The following MID2 variants were observed in gnomAD, a reference collection of about 807,000 sequenced individuals.
The protein encoded by MID2 is midline 2, also known as probable E3 ubiquitin-protein ligase MID2.
Under a neutral mutation model 46.1 loss-of-function variants are expected in MID2, and 13 were observed. The ratio of observed to expected loss-of-function variants is 0.28; its 90% CI spans 0.18 to 0.45. The LOEUF (loss-of-function observed/expected upper bound fraction) is 0.45, where lower values mean the gene tolerates loss of function less well. MID2 is among the 20% of genes least tolerant of loss of function. The probability of loss-of-function intolerance (pLI) is 1.00; values close to 1 mark genes in which losing one functional copy is unlikely to be tolerated. For missense variants in MID2, 431 were observed against 575.4 expected, an observed-to-expected ratio of 0.75 and a Z score of 2.57; for synonymous variants, 199 against 212.3, an observed-to-expected ratio of 0.94 and a Z score of 0.55.
chrX:107,879,261 C>T (rs1441858791), intron 3 of MID2, among the ~76,000 whole-genome samples: 2 of 111,859 alleles, frequency 1.8e-5, no homozygotes, highest in Non-Finnish European at 3.8e-5. Flanking sequence ...GTCCAGTGTC[C>T]AGGAGGAATG....
In MID2 at chrX:107,915,763, G is replaced by A. The variant is rs1045218292; in HGVS notation, c.1074-239G>A. Among the ~76,000 whole-genome samples the A allele has an allele frequency of 7.2e-5, 8 of 111,487 alleles. No homozygotes were observed. In the Admixed American group the frequency reaches 7.6e-4, roughly 11 times the overall value. Reference sequence around the variant, plus strand: ...GTATTTACTTCTCAAAATTAAGACCGGATGGGGGAGTGTGTTTGAGGGGTG... The same window carrying A: ...GTATTTACTTCTCAAAATTAAGACCAGATGGGGGAGTGTGTTTGAGGGGTG... On this transcript the variant is annotated intron_variant, in intron 5 of 9. Transcript: ENST00000262843.
intron 4 of MID2, among the ~76,000 whole-genome samples, chrX:107,905,145 T>C (rs1431393203): frequency 2.7e-5 from 3 of 111,914 alleles, no homozygotes; most frequent in African/African-American, 6.5e-5. Context: ...GTTTCTTTTA[T>C]ACTTTTTATT....
At chrX:107,893,734 G>A (rs1932652868) in intron 3 of MID2, among the ~76,000 whole-genome samples, 1 of 112,088 alleles carries the variant, frequency 8.9e-6, no homozygotes, top group African/African-American at 3.2e-5. Flanking sequence ...TTTATAAGCT[G>A]CGTACACTGA....
chrX:107,887,801 A>C (rs1270304950), intron 3 of MID2, among the ~76,000 whole-genome samples: 4 of 104,995 alleles, frequency 3.8e-5, no homozygotes, highest in African/African-American at 7.0e-5. Flanking sequence ...TCAATTTCAG[A>C]GCCTGTTATT....
chrX:107,904,742 AGC>A (rs1361889331), intron 4 of MID2, among the ~76,000 whole-genome samples: 1 of 112,118 alleles, frequency 8.9e-6, no homozygotes, highest in Admixed American at 9.4e-5. Context: ...TCAGGTTTCT[AGC>A]CTGGGAACTG....
chrX:107,878,348 C>T (rs185566045), intron 3 of MID2, among the ~76,000 whole-genome samples: 6 of 86,123 alleles, frequency 7.0e-5, no homozygotes, highest in East Asian at 4.4e-4. Flanking sequence ...AAACTCACTG[C>T]GTGCCATGCA....
At chrX:107,888,402 C>T (rs1395917951) in intron 3 of MID2, among the ~76,000 whole-genome samples, 1 of 112,143 alleles carries the variant, frequency 8.9e-6, no homozygotes, top group African/African-American at 3.2e-5. Context: ...CATTCAGGAG[C>T]AGGTTGTTCA....
At position 107,910,838 on chromosome X, in the gene MID2, C is replaced by CTTTCCTTTCCTTTCCT. The variant is rs761216078; in HGVS notation, c.1074-5164_1074-5163insTTTCCTTTCCTTTCCT. Among the ~76,000 whole-genome samples the CTTTCCTTTCCTTTCCT allele has an allele frequency of 5.5e-4, 23 of 42,063 alleles. 11 individuals carry two copies. In the African/African-American group the frequency reaches 0.013, roughly 23 times the overall value. The allele number at this position is 42,063 out of a possible 115,157, so 36.5% of individuals were successfully genotyped here. On this transcript the variant is annotated intron_variant, in intron 5 of 9. Coordinates refer to ENST00000262843, the MANE Select transcript of MID2 (RefSeq NM_012216.4). The stretch of plus-strand genomic sequence containing the variant: ...CTTTCCTTTCCTTTCCTTTCCTTTC[C>CTTTCCTTTCCTTTCCT]CTCTCTCTTTCTCCCTCTCTCTCTC...
intron 5 of MID2, among the ~76,000 whole-genome samples, chrX:107,914,071 C>G (rs1295614902): frequency 8.9e-6 from 1 of 112,092 alleles, no homozygotes; most frequent in Non-Finnish European, 1.9e-5. Context: ...GCTCCCAAGT[C>G]TCTTTAGATA....
rs1262960692 is a variant in MID2 at position 107,867,317 on chromosome X, ATT to A, written c.816+12629_816+12630del. Among the ~76,000 whole-genome samples the A allele has an allele frequency of 4.8e-3, 449 of 94,390 alleles. 2 individuals are homozygous for A. Among genetic ancestry groups the A allele is most frequent in the African/African-American group, 0.017 (426 of 25,441 alleles). 82.0% of individuals were successfully genotyped at this position (94,390 alleles called of 115,157 possible). Reference sequence around the variant, plus strand: ...AGGCATGTGCCGCCACGCCCAGCTAATTTTTTTTTTTTTTTTTGTATTTTTAG... The same window carrying A: ...AGGCATGTGCCGCCACGCCCAGCTAATTTTTTTTTTTTTTTGTATTTTTAG... On this transcript the variant is annotated intron_variant, in intron 3 of 9. Transcript: ENST00000262843.
At chrX:107,835,414 G>A (rs1256323624) in intron 1 of MID2, among the ~76,000 whole-genome samples, 1 of 112,009 alleles carries the variant, frequency 8.9e-6, no homozygotes, top group Non-Finnish European at 1.9e-5. Flanking sequence ...GCCTTTTGAG[G>A]AACTGTCGAA....
intron 1 of MID2, among the ~76,000 whole-genome samples, chrX:107,831,527 C>T (rs1343257656): frequency 8.9e-6 from 1 of 112,103 alleles, no homozygotes; most frequent in Admixed American, 9.4e-5. Context: ...TCCTTGATCA[C>T]TTTGTGTATA....
intron 3 of MID2, among the ~76,000 whole-genome samples, chrX:107,879,529 G>A (rs1932276633): frequency 3.6e-5 from 4 of 112,005 alleles, no homozygotes; most frequent in Admixed American, 1.9e-4. Context: ...CTCTGCTGGC[G>A]GAGCCTAGGT....
chrX:107,889,947 G>A lies in MID2; in HGVS notation c.817-14011G>A, dbSNP rs185452474. 3.1e-3 allele frequency among the ~76,000 whole-genome samples: 347 copies of A among 111,690 alleles called. 2 individuals carry two copies. The highest frequency in any genetic ancestry group is 3.1e-3 in the Non-Finnish European group (163 of 53,144). Reference sequence around the variant, plus strand: ...CTTGTGCATTCATCACATAGTTCTCGTGCCATGGTTTTCAGCTCCATCAGG... The same window carrying A: ...CTTGTGCATTCATCACATAGTTCTCATGCCATGGTTTTCAGCTCCATCAGG... On this transcript the variant is annotated intron_variant, in intron 3 of 9. Transcript: ENST00000262843.
chrX:107,845,790 CCACTT>C (rs1931456875), intron 2 of MID2, among the ~76,000 whole-genome samples: 1 of 110,974 alleles, frequency 9.0e-6, no homozygotes, highest in Admixed American at 9.6e-5. Context: ...ATCTACTCAC[CCACTT>C]GACACCCACT....
chrX:107,888,803 T>C (rs1009055325), intron 3 of MID2, among the ~76,000 whole-genome samples: 10 of 112,155 alleles, frequency 8.9e-5, no homozygotes, highest in African/African-American at 3.2e-4. Context: ...TGGGTGCTCC[T>C]GTATTGGGTG....
intron 5 of MID2, among the ~76,000 whole-genome samples, chrX:107,908,038 A>G (rs1335402102): frequency 8.9e-6 from 1 of 112,259 alleles, no homozygotes; most frequent in Admixed American, 9.4e-5. Context: ...ACTTGCTTAC[A>G]ATTGTCCAAC....
chrX:107,922,098 A>G (rs1049953209), intron 7 of MID2, among the ~76,000 whole-genome samples: 1 of 111,829 alleles, frequency 8.9e-6, no homozygotes, highest in Non-Finnish European at 1.9e-5. Context: ...AAACATATAT[A>G]TATTTTAGAA....
At chrX:107,837,982 TATAAA>T (rs1931246775) in intron 1 of MID2, among the ~76,000 whole-genome samples, 1 of 111,983 alleles carries the variant, frequency 8.9e-6, no homozygotes. Context: ...TGAATGAAAA[TATAAA>T]ATAGTTGATA....
Sources: allele counts gnomAD v4.1 joint callset (sites outside exome capture counted in the v4.1 genomes callset), GRCh38; gene constraint gnomAD v4.1.1; transcripts MANE v1.5; gene names NCBI Gene and HGNC (gene_info 2026-07-23, HGNC 2026-07-21).